MAMLD1: variants seen among roughly 807,000 people sequenced by gnomAD.
MAMLD1 encodes mastermind-like domain-containing protein 1.
Under a neutral mutation model 45.0 loss-of-function variants are expected in MAMLD1, and 14 were observed. That is an observed-to-expected ratio of 0.31 (90% CI 0.21 to 0.49). The LOEUF (loss-of-function observed/expected upper bound fraction) is 0.49, where lower values mean the gene tolerates loss of function less well. Among genes scored for constraint, MAMLD1 ranks in the 20% least tolerant of loss-of-function variants. The probability of loss-of-function intolerance (pLI) is 0.99; values close to 1 mark genes in which losing one functional copy is unlikely to be tolerated. For synonymous variants in MAMLD1, 254 were observed against 247.8 expected (o/e 1.02, Z -0.24); for missense variants, 543 against 603.6 (o/e 0.90, Z 1.05).
rs782514867 is a variant in MAMLD1, at chrX:150,370,313, A to G, written c.-64+6783A>G. On this transcript the variant is annotated intron_variant, in intron 1 of 7. Coordinates refer to ENST00000370401, the MANE Select transcript of MAMLD1 (RefSeq NM_005491.5). ...TTGGAACTGGCCTGGTTTTGTAGGC[A>G]TTGGGTCCTTAAACATCTTCAGTAC... Among the ~76,000 whole-genome samples, 3 of 111,983 alleles carry G rather than the reference A, an allele frequency of 2.7e-5. No homozygotes were observed. The South Asian group carries it at 1.1e-3, about 43-fold the overall frequency.
At chrX:150,385,277 T>TACACAC (rs3066918) in intron 1 of MAMLD1, among the ~76,000 whole-genome samples, 4,113 of 93,974 alleles carry the variant, frequency 0.044, 88 homozygotes, top group Non-Finnish European at 0.057. Flanking sequence ...TGAACAATAC[T>TACACAC]ACACACACAC....
chrX:150,500,904 T>TA (rs2037532401), intron 5 of MAMLD1, among the ~76,000 whole-genome samples: 1 of 109,707 alleles, frequency 9.1e-6, no homozygotes, highest in African/African-American at 3.5e-5. Flanking sequence ...CTTTTATTTA[T>TA]TTTTTGTGTT....
At chrX:150,390,049 G>A (rs2033108874) in intron 1 of MAMLD1, among the ~76,000 whole-genome samples, 1 of 111,560 alleles carries the variant, frequency 9.0e-6, no homozygotes, top group African/African-American at 3.3e-5. Flanking sequence ...GTTTGGCCAT[G>A]TTTTCGTTTG....
intron 1 of MAMLD1, among the ~76,000 whole-genome samples, chrX:150,373,466 T>TCA (rs368567940): frequency 0.094 from 9,686 of 103,052 alleles, 512 homozygotes; most frequent in Non-Finnish European, 0.15. Context: ...TCTCTCTCTC[T>TCA]CACACACACA....
At chrX:150,491,640 G>A (rs2148339030) in intron 5 of MAMLD1, among the ~76,000 whole-genome samples, 1 of 112,089 alleles carries the variant, frequency 8.9e-6, no homozygotes, top group South Asian at 3.8e-4. Context: ...GCTGGGAGGT[G>A]GGGCAGGGGC....
At chrX:150,437,063 T>A (rs1602795425) in intron 1 of MAMLD1, among the ~76,000 whole-genome samples, 1 of 111,098 alleles carries the variant, frequency 9.0e-6, no homozygotes, top group Non-Finnish European at 1.9e-5. Flanking sequence ...TCAGTTTTGT[T>A]CTCTGGCCCT....
At chrX:150,434,571 C>T (rs2035060509) in intron 1 of MAMLD1, among the ~76,000 whole-genome samples, 1 of 111,665 alleles carries the variant, frequency 9.0e-6, no homozygotes, top group Admixed American at 9.5e-5. Context: ...TCCCTCTTAA[C>T]ACTGGTTTAG....
intron 1 of MAMLD1, among the ~76,000 whole-genome samples, chrX:150,373,280 C>T (rs782281646): frequency 9.0e-6 from 1 of 111,665 alleles, no homozygotes; most frequent in Non-Finnish European, 1.9e-5. Flanking sequence ...GTGGGAGGCC[C>T]GTTCCCCATT....
intron 1 of MAMLD1, among the ~76,000 whole-genome samples, chrX:150,407,729 T>A (rs1557402709): frequency 3.6e-5 from 4 of 112,428 alleles, no homozygotes; most frequent in African/African-American, 9.7e-5. Context: ...CTGAATCTGT[T>A]TGAACATCAG....
chrX:150,486,409 G>T (rs1037115131), intron 5 of MAMLD1, among the ~76,000 whole-genome samples: 1 of 111,887 alleles, frequency 8.9e-6, no homozygotes, highest in Non-Finnish European at 1.9e-5. Context: ...GCTGCTTCAT[G>T]TCAGCTGTGT....
At position 150,469,987 on chromosome X, in the gene MAMLD1, CAACATCATGGG is replaced by C; in HGVS notation, c.415_425del (p.Asn139LeufsTer22). ...TGCTGGAGAATAACCCTATGAATGG[CAACATCATGGG>C]CTCACCATTTGTAGTACCACAGACT... is the stretch of plus-strand genomic sequence containing the variant. On this transcript the variant is annotated frameshift_variant, in exon 4 of 8. Coordinates refer to ENST00000370401, the MANE Select transcript of MAMLD1 (RefSeq NM_005491.5). LOFTEE classifies it high-confidence loss of function. 1 of 1,211,605 alleles carries C rather than the reference CAACATCATGGG, an allele frequency of 8.3e-7. No homozygotes were observed. Among genetic ancestry groups the C allele is most frequent in the Non-Finnish European group, 1.1e-6 (1 of 895,485 alleles).
intron 5 of MAMLD1, among the ~76,000 whole-genome samples, chrX:150,474,195 C>T (rs1195550326): frequency 8.9e-6 from 1 of 111,993 alleles, no homozygotes; most frequent in Non-Finnish European, 1.9e-5. Flanking sequence ...TGTTACCATT[C>T]TCCTGAGAGT....
intron 1 of MAMLD1, among the ~76,000 whole-genome samples, chrX:150,396,965 T>G (rs1303853521): frequency 8.9e-6 from 1 of 112,534 alleles, no homozygotes; most frequent in African/African-American, 3.2e-5. Flanking sequence ...GATTTTTGTT[T>G]GTTTCTGTAG....
At chrX:150,437,647 G>T (rs2035165255) in intron 1 of MAMLD1, among the ~76,000 whole-genome samples, 1 of 111,898 alleles carries the variant, frequency 8.9e-6, no homozygotes, top group South Asian at 3.7e-4. Flanking sequence ...TTATTTTTTT[G>T]AGATGATGTA....
At chrX:150,364,398 T>A (rs921111638) in intron 1 of MAMLD1, among the ~76,000 whole-genome samples, 1 of 113,133 alleles carries the variant, frequency 8.8e-6, no homozygotes, top group African/African-American at 3.2e-5. Context: ...ACTAATAGGA[T>A]TAGCCTGCCA....
intron 2 of MAMLD1, among the ~76,000 whole-genome samples, chrX:150,455,873 C>T (rs2035848173): frequency 9.2e-6 from 1 of 108,155 alleles, no homozygotes; most frequent in South Asian, 4.1e-4. Flanking sequence ...TGTACCCTGG[C>T]ACTTGAGAGC....
chrX:150,470,268 G>C lies in MAMLD1; in HGVS notation c.695G>C (p.Ser232Thr), dbSNP rs1382832524. ...KPSVQMSHLESLASSKEFASS... is the reference protein window; with the variant it reads ...KPSVQMSHLETLASSKEFASS... ...TCGGTTCAGATGTCACACTTGGAGAGCCTGGCTTCCAGCAAGGAGTTTGCT... is the reference window on the plus strand; with the variant it reads ...TCGGTTCAGATGTCACACTTGGAGACCCTGGCTTCCAGCAAGGAGTTTGCT... Residue 232 changes from serine (S) to threonine (T), a missense_variant, in exon 4 of 8, where the codon AGC becomes ACC. Transcript: ENST00000370401. The C allele has an allele frequency of 3.3e-6, 4 of 1,208,350 alleles. No individual in the cohort carries two copies. The African/African-American group carries it at 5.2e-5, about 16-fold the overall frequency.
At chrX:150,497,098 C>T (rs1334311899) in intron 5 of MAMLD1, among the ~76,000 whole-genome samples, 1 of 111,146 alleles carries the variant, frequency 9.0e-6, no homozygotes, top group Non-Finnish European at 1.9e-5. Flanking sequence ...AAATTATATA[C>T]GTTTGTGGAG....
rs1180084909 is a variant in MAMLD1 at position 150,401,460 on chromosome X, A to T, written c.-64+37930A>T. Among the ~76,000 whole-genome samples the T allele has an allele frequency of 7.7e-5, 8 of 103,242 alleles. No individual in the cohort carries two copies. In the Admixed American group the frequency reaches 8.5e-4, roughly 11 times the overall value. 89.7% of individuals were successfully genotyped at this position (103,242 alleles called of 115,157 possible). On this transcript the variant is annotated intron_variant, in intron 1 of 7. Transcript: ENST00000370401. ...GGAAGAACATTCCATGCTCATGGGT[A>T]GGAAGAATCAATATCGTGAAAATGG...
Sources: allele counts gnomAD v4.1 joint callset (sites outside exome capture counted in the v4.1 genomes callset), GRCh38; gene constraint gnomAD v4.1.1; transcripts MANE v1.5; gene names NCBI Gene and HGNC (gene_info 2026-07-23, HGNC 2026-07-21).